ORC4: variants seen among roughly 807,000 people sequenced by gnomAD.
The protein encoded by ORC4 is origin recognition complex subunit 4, also known as origin recognition complex, subunit 4 homolog.
A neutral mutation model predicts 63.9 loss-of-function variants in ORC4; 55 were observed. The observed-to-expected ratio is 0.86, with a 90% CI of 0.69 to 1.08. ORC4 has a LOEUF of 1.08. ORC4 is among the 50% of genes least tolerant of loss of function. The probability of loss-of-function intolerance (pLI) is 0.00; values close to 1 mark genes in which losing one functional copy is unlikely to be tolerated. For missense variants in ORC4, 511 were observed against 504.4 expected, an observed-to-expected ratio of 1.01 and a Z score of -0.13; for synonymous variants, 150 against 168.5, an observed-to-expected ratio of 0.89 and a Z score of 0.85.
At chr2:148,006,788 G>A (rs1267766761) in intron 1 of ORC4, among the ~76,000 whole-genome samples, 7 of 152,158 alleles carry the variant, frequency 4.6e-5, no homozygotes, top group East Asian at 1.9e-4. Flanking sequence ...AGGACTGGCC[G>A]TGGACCTTGG....
rs1017740236 is a variant in ORC4, at chr2:148,009,910, T to C, written c.-18+10723A>G. Among the ~76,000 whole-genome samples, 4 of 151,992 alleles carry C rather than the reference T, an allele frequency of 2.6e-5. No individual in the cohort carries two copies. The South Asian group carries it at 8.3e-4, about 32-fold the overall frequency. On this transcript the variant is annotated intron_variant, in intron 1 of 13. Coordinates refer to ENST00000392857, the MANE Select transcript of ORC4 (RefSeq NM_181741.4). ...CCCACTTCATTTATAAAAACATAGA[T>C]AGACCAAAAGATGGAAAGAGACATT...
Position 147,935,418 on chromosome 2 carries a change from A to G in ORC4, c.*92T>C, listed in dbSNP as rs896387708. 4.3e-6 allele frequency: 4 copies of G among 937,056 alleles called. No homozygotes were observed. The highest frequency in any genetic ancestry group is 3.2e-5 in the African/African-American group (2 of 62,280). 58.0% of individuals were successfully genotyped at this position (937,056 alleles called of 1,614,324 possible). On this transcript the variant is annotated 3_prime_UTR_variant, in exon 14 of 14. Transcript: ENST00000392857. ...CTCACATAAATACAAGAATGTTTAT[A>G]GAATGTTTAGCATATCATGTTAATG...
intron 1 of ORC4, among the ~76,000 whole-genome samples, chr2:147,994,043 C>T (rs12463554): frequency 0.26 from 39,547 of 151,972 alleles, 5,968 homozygotes; most frequent in East Asian, 0.46. Context: ...AAATTGTCAA[C>T]TTCCTTCCTA....
chr2:147,973,626 A>G (rs577004089), intron 2 of ORC4, 102 bp from the exon 3 acceptor site: 2 of 688,324 alleles, frequency 2.9e-6, no homozygotes, highest in Non-Finnish European at 5.0e-6. Context: ...GGTATTAATG[A>G]ATCAATTCAA....
intron 1 of ORC4, among the ~76,000 whole-genome samples, chr2:147,980,256 AT>A (rs937397357): frequency 2.6e-5 from 4 of 152,138 alleles, no homozygotes; most frequent in African/African-American, 9.7e-5. Context: ...ATTAATATAA[AT>A]TTTAAAAACA....
intron 1 of ORC4, among the ~76,000 whole-genome samples, chr2:148,014,207 C>A (rs1256965304): frequency 3.3e-5 from 5 of 152,008 alleles, no homozygotes; most frequent in African/African-American, 4.8e-5. Context: ...AAATCAAAAT[C>A]AAAAATAAAA....
chr2:148,002,715 G>A (rs773294010), intron 1 of ORC4, among the ~76,000 whole-genome samples: 5 of 151,936 alleles, frequency 3.3e-5, no homozygotes, highest in Admixed American at 6.6e-5. Flanking sequence ...AGAGAAGCAA[G>A]AGCAAACAAA....
chr2:147,972,709 C>T, intron 4 of ORC4, 30 bp downstream of exon 4: 1 of 1,342,722 alleles, frequency 7.4e-7, no homozygotes, highest in Non-Finnish European at 1.1e-6. Flanking sequence ...CATCACATGC[C>T]AACAAACACC....
chr2:147,956,525 CTT>C (rs1038848844), intron 6 of ORC4, among the ~76,000 whole-genome samples: 1 of 152,018 alleles, frequency 6.6e-6, no homozygotes, highest in African/African-American at 2.4e-5. Context: ...AATTAAGTGA[CTT>C]AGGTTCTTAT....
At chr2:148,018,813 A>G (rs1311968026) in intron 1 of ORC4, among the ~76,000 whole-genome samples, 1 of 152,224 alleles carries the variant, frequency 6.6e-6, no homozygotes, top group Non-Finnish European at 1.5e-5. Flanking sequence ...AAATCAGTAT[A>G]GTGTTAACCA....
intron 4 of ORC4, among the ~76,000 whole-genome samples, chr2:147,964,789 AT>A (rs568707180): frequency 7.2e-5 from 11 of 152,204 alleles, no homozygotes; most frequent in African/African-American, 9.6e-5. Flanking sequence ...TTAAACTATC[AT>A]TTTTTTAAAT....
At position 147,933,561 on chromosome 2, in the gene ORC4, T is replaced by C. The variant is rs1294587594; in HGVS notation, c.*1949A>G. 3 of 152,158 alleles carry C rather than the reference T, an allele frequency of 2.0e-5. No individual in the cohort carries two copies. The highest frequency in any genetic ancestry group is 2.9e-5 in the Non-Finnish European group (2 of 68,016). 9.4% of individuals were successfully genotyped at this position (152,158 alleles called of 1,614,324 possible). On this transcript the variant is annotated 3_prime_UTR_variant, in exon 14 of 14. Coordinates refer to ENST00000392857, the MANE Select transcript of ORC4 (RefSeq NM_181741.4). ...GTTATTGATGGATCTTCTGCAGCTC[T>C]TATGTAGCCAATGAGACAGATGAGG...
chr2:147,978,084 G>T (rs1690669279), intron 1 of ORC4, among the ~76,000 whole-genome samples: 1 of 152,152 alleles, frequency 6.6e-6, no homozygotes, highest in African/African-American at 2.4e-5. Context: ...CCTGTTTGCA[G>T]GGCTATGGAC....
intron 10 of ORC4, among the ~76,000 whole-genome samples, chr2:147,940,303 C>A (rs1457587272): frequency 6.6e-6 from 1 of 152,048 alleles, no homozygotes; most frequent in African/African-American, 2.4e-5. Context: ...TACACTGCAT[C>A]ATATTTGTAG....
At chr2:147,972,082 C>A (rs569022301) in intron 4 of ORC4, among the ~76,000 whole-genome samples, 1 of 151,996 alleles carries the variant, frequency 6.6e-6, no homozygotes, top group South Asian at 2.1e-4. Flanking sequence ...TAATTGCTTT[C>A]AAAAGTTAAC....
chr2:148,004,317 CAA>C (rs1005416720), intron 1 of ORC4, among the ~76,000 whole-genome samples: 2 of 152,106 alleles, frequency 1.3e-5, no homozygotes, highest in Non-Finnish European at 2.9e-5. Flanking sequence ...CAATGCTAAG[CAA>C]AGAGAACAAA....
intron 4 of ORC4, among the ~76,000 whole-genome samples, chr2:147,965,722 T>C (rs1216736638): frequency 2.6e-5 from 4 of 152,198 alleles, no homozygotes; most frequent in Non-Finnish European, 5.9e-5. Flanking sequence ...CAAATGGACC[T>C]AAAATACATC....
intron 1 of ORC4, among the ~76,000 whole-genome samples, chr2:147,990,488 T>C (rs1691515293): frequency 6.6e-6 from 1 of 152,228 alleles, no homozygotes; most frequent in Non-Finnish European, 1.5e-5. Context: ...TACTGATATA[T>C]ATTCCAAGTT....
intron 1 of ORC4, among the ~76,000 whole-genome samples, chr2:148,007,962 T>C (rs1003570106): frequency 6.6e-6 from 1 of 152,202 alleles, no homozygotes; most frequent in African/African-American, 2.4e-5. Flanking sequence ...AGTAGAATAG[T>C]ATTAGGTTGG....
Sources: gnomAD v4.1 joint callset for allele counts (sites outside exome capture counted in the v4.1 genomes callset) on GRCh38, gnomAD v4.1.1 for gene constraint, MANE v1.5 for transcripts, NCBI Gene and HGNC (gene_info 2026-07-23, HGNC 2026-07-21) for gene names.